Variants in RNF212 observed in about 807,000 individuals in gnomAD.
RNF212 encodes probable E3 SUMO-protein ligase RNF212.
Under a neutral mutation model 34.7 loss-of-function variants are expected in RNF212, and 33 were observed. The ratio of observed to expected loss-of-function variants is 0.95; its 90% confidence interval spans 0.72 to 1.27. The LOEUF (loss-of-function observed/expected upper bound fraction) is 1.27, where lower values mean the gene tolerates loss of function less well. Ranked by LOEUF, RNF212 falls within the 50% of genes most tolerant of loss-of-function variation. RNF212 has a pLI of 0.00. For synonymous variants in RNF212, 140 were observed against 136.1 expected, an observed-to-expected ratio of 1.03 and a Z score of -0.20; for missense variants, 377 against 362.2, an observed-to-expected ratio of 1.04 and a Z score of -0.33.
Position 1,090,854 on chromosome 4 carries a change from GT to G in RNF212, c.247-17del. On this transcript the variant is annotated splice_polypyrimidine_tract_variant and intron_variant, in intron 3 of 9. Transcript: ENST00000433731. ...ATTCTAAAATCTGAAAAGATCATAGGTTTCAGCTGCTGACACAGATCCACGG... is the reference window on the plus strand; with the variant it reads ...ATTCTAAAATCTGAAAAGATCATAGGTTCAGCTGCTGACACAGATCCACGG... 2 of 1,554,932 alleles carry G rather than the reference GT, an allele frequency of 1.3e-6. No individual in the cohort carries two copies. Among genetic ancestry groups the G allele is most frequent in the Non-Finnish European group, 1.8e-6 (2 of 1,127,576 alleles).
At chr4:1,099,074 A>G (rs1251675832) in intron 2 of RNF212, among the ~76,000 whole-genome samples, 1 of 152,100 alleles carries the variant, frequency 6.6e-6, no homozygotes, top group Non-Finnish European at 1.5e-5. Context: ...AAACTAACAA[A>G]TGGCATCACA....
At chr4:1,101,978 A>G (rs1724056755) in intron 2 of RNF212, among the ~76,000 whole-genome samples, 2 of 152,260 alleles carry the variant, frequency 1.3e-5, no homozygotes, top group Non-Finnish European at 2.9e-5. Flanking sequence ...CTTCTAGGTA[A>G]CACATGGGTC....
intron 3 of RNF212, among the ~76,000 whole-genome samples, chr4:1,095,145 A>G (rs543414385): frequency 5.0e-4 from 70 of 140,990 alleles, no homozygotes; most frequent in Non-Finnish European, 1.0e-3. Flanking sequence ...CTCATCACAG[A>G]ACCAAGCACG....
chr4:1,072,367 C>T lies in RNF212; in HGVS notation c.*507G>A, dbSNP rs549888138. 110 of 155,746 alleles carry T rather than the reference C, an allele frequency of 7.1e-4. No individual in the cohort carries two copies. The highest frequency in any genetic ancestry group is 1.1e-3 in the Non-Finnish European group (75 of 70,646). The allele number at this position is 155,746 out of a possible 1,614,324, so 9.6% of individuals were successfully genotyped here. ...TATTTGTTCAAACCCATAGAACATT[C>T]GACACCTAGAGTGAACCCTAATGTA... is the stretch of plus-strand genomic sequence containing the variant. On this transcript the variant is annotated 3_prime_UTR_variant, in exon 10 of 10. Transcript: ENST00000433731.
intron 5 of RNF212, chr4:1,085,640 C>A: frequency 1.8e-6 from 1 of 552,004 alleles, no homozygotes; most frequent in Non-Finnish European, 3.2e-6. Context: ...GCCCCTCCCA[C>A]TGCCTCAGCA....
chr4:1,101,324 C>G (rs1305120055), intron 2 of RNF212: 15 of 268,354 alleles, frequency 5.6e-5, no homozygotes, highest in Non-Finnish European at 1.1e-4. Flanking sequence ...GTAGACAATA[C>G]TGAGCAGAAT....
intron 3 of RNF212, chr4:1,094,105 GC>G (rs983835271): frequency 1.4e-6 from 2 of 1,408,532 alleles, no homozygotes; most frequent in African/African-American, 1.5e-5. Flanking sequence ...GAAGGCACAA[GC>G]CCATGAAGGA....
chr4:1,096,673 T>C, intron 3 of RNF212, 92 bp downstream of exon 3: 1 of 809,302 alleles, frequency 1.2e-6, no homozygotes, highest in Non-Finnish European at 2.1e-6. Context: ...ACCTGGCTCA[T>C]CACAGAACCA....
downstream of RNF212, among the ~76,000 whole-genome samples, chr4:1,070,744 G>T (rs936866916): frequency 6.6e-6 from 1 of 152,234 alleles, no homozygotes; most frequent in African/African-American, 2.4e-5. Flanking sequence ...TGTGTTCTTG[G>T]TTTTTAGCGA....
intron 8 of RNF212, among the ~76,000 whole-genome samples, chr4:1,075,395 GC>G (rs1719121639): frequency 1.3e-5 from 2 of 152,234 alleles, no homozygotes; most frequent in South Asian, 4.1e-4. Flanking sequence ...TTCTGGGGAG[GC>G]CTTGGGAGGC....
rs147477708 is a variant in RNF212 at position 1,097,049 on chromosome 4, G to A, written c.172-210C>T. On this transcript the variant is annotated intron_variant, in intron 2 of 9. Transcript: ENST00000433731. ...GCCACTTCCCTCTGAGGGCTGTGCC[G>A]GACAGTGGTGAGGGCCAGGAGGCAG... Among the ~76,000 whole-genome samples, 1,184 of 152,262 alleles carry A rather than the reference G, an allele frequency of 7.8e-3. 10 individuals carry two copies. Among genetic ancestry groups the A allele is most frequent in the Middle Eastern group, 0.017 (5 of 294 alleles).
chr4:1,103,575 T>C (rs1315556369), intron 2 of RNF212, among the ~76,000 whole-genome samples: 2 of 152,098 alleles, frequency 1.3e-5, no homozygotes, highest in South Asian at 4.1e-4. Flanking sequence ...GTTCCTAGAA[T>C]CTAACGTGGG....
chr4:1,070,473 CTG>C (rs1718394375), downstream of RNF212, among the ~76,000 whole-genome samples: 1 of 88,466 alleles, frequency 1.1e-5, no homozygotes, highest in African/African-American at 3.0e-5. Flanking sequence ...TAGGACTGTG[CTG>C]TGTCAGCGTG....
At chr4:1,079,725 A>T in intron 7 of RNF212, 37 bp from the exon 8 acceptor site, 1 of 1,465,932 alleles carries the variant, frequency 6.8e-7, no homozygotes, top group Non-Finnish European at 9.6e-7. Context: ...GAGTGAGCCC[A>T]GGACTTACCT....
chr4:1,067,706 T>C (rs1300268276), downstream of RNF212, among the ~76,000 whole-genome samples: 1 of 151,716 alleles, frequency 6.6e-6, no homozygotes, highest in Non-Finnish European at 1.5e-5. Context: ...TCTACTAAAA[T>C]TACAAAAATT....
At chr4:1,080,932 T>C (rs747116297) in intron 7 of RNF212, among the ~76,000 whole-genome samples, 13 of 152,306 alleles carry the variant, frequency 8.5e-5, no homozygotes, top group Non-Finnish European at 1.2e-4. Flanking sequence ...CAGGCAGGCA[T>C]AGCCTGGAGA....
intron 8 of RNF212, among the ~76,000 whole-genome samples, chr4:1,074,197 C>G (rs1265500114): frequency 6.6e-6 from 1 of 152,192 alleles, no homozygotes; most frequent in Non-Finnish European, 1.5e-5. Context: ...GCTGCCAGCG[C>G]AGGTTCTGAG....
chr4:1,057,160 CAGA>C (rs1313594300), intron 4 of RNF212, among the ~76,000 whole-genome samples: 8 of 152,180 alleles, frequency 5.3e-5, no homozygotes, highest in African/African-American at 1.9e-4. Context: ...CGGCGGCCAG[CAGA>C]AGATGTGGAC....
chr4:1,094,656 T>G (rs1323939554), intron 3 of RNF212, among the ~76,000 whole-genome samples: 1 of 152,070 alleles, frequency 6.6e-6, no homozygotes, highest in Non-Finnish European at 1.5e-5. Flanking sequence ...AGCATTGCCA[T>G]GCAGGGCTCA....
Sources: allele counts gnomAD v4.1 joint callset (sites outside exome capture counted in the v4.1 genomes callset), GRCh38; gene constraint gnomAD v4.1.1; transcripts MANE v1.5; gene names NCBI Gene and HGNC (gene_info 2026-07-23, HGNC 2026-07-21).